The following ALDH7A1 variants were observed in gnomAD, a reference collection of about 807,000 sequenced individuals.
ALDH7A1 encodes the protein alpha-aminoadipic semialdehyde dehydrogenase.
Under a neutral mutation model 79.9 loss-of-function variants are expected in ALDH7A1, and 63 were observed. That is an observed-to-expected ratio of 0.79 (90% CI 0.64 to 0.97). The LOEUF (loss-of-function observed/expected upper bound fraction) is 0.97, where lower values mean the gene tolerates loss of function less well. Ranked by LOEUF, ALDH7A1 falls within the 50% of genes least tolerant of loss-of-function variation. The pLI is 0.00. For synonymous variants in ALDH7A1, 240 were observed against 231.2 expected, an observed-to-expected ratio of 1.04 and a Z score of -0.34; for missense variants, 627 against 665.2, an observed-to-expected ratio of 0.94 and a Z score of 0.63.
intron 16 of ALDH7A1, among the ~76,000 whole-genome samples, chr5:126,548,802 G>A (rs1271896271): frequency 1.3e-5 from 2 of 148,814 alleles, no homozygotes; most frequent in Non-Finnish European, 3.0e-5. Context: ...GCTCATGCCT[G>A]TAATCCCAAC....
At chr5:126,561,691 T>C (rs1750410637) in intron 9 of ALDH7A1, 1 of 152,232 alleles carries the variant, frequency 6.6e-6, no homozygotes. Context: ...CAAACCACCC[T>C]GAGCGTGCCC....
chr5:126,556,166 C>A, intron 11 of ALDH7A1, 151 bp from the exon 12 acceptor site: 63 of 359,930 alleles, frequency 1.8e-4, no homozygotes, highest in Non-Finnish European at 2.4e-4. Flanking sequence ...TATAATTTAT[C>A]ATTTTAATAT....
intron 13 of ALDH7A1, 25 bp downstream of exon 13, chr5:126,554,262 C>T (rs747967567): frequency 6.2e-7 from 1 of 1,602,864 alleles, no homozygotes; most frequent in Non-Finnish European, 8.5e-7. Flanking sequence ...AAAGCTGTCA[C>T]AATTGATCTC....
chr5:126,567,451 T>G (rs560607347), intron 9 of ALDH7A1, among the ~76,000 whole-genome samples: 1 of 152,334 alleles, frequency 6.6e-6, no homozygotes, highest in South Asian at 2.1e-4. Context: ...TATACCCATT[T>G]AGAGAGAAAA....
chr5:126,574,197 G>C (rs1351239105), intron 7 of ALDH7A1, among the ~76,000 whole-genome samples: 1 of 150,262 alleles, frequency 6.7e-6, no homozygotes, highest in African/African-American at 2.5e-5. Context: ...TCAAGACATC[G>C]AGACCATCCT....
rs386404930 is a variant in ALDH7A1, at chr5:126,571,150, ATTTTTTTT to A, written c.696-299_696-292del. 2.8e-3 allele frequency: 613 copies of A among 221,786 alleles called. 1 individual carries two copies. The highest frequency in any genetic ancestry group is 8.0e-3 in the African/African-American group (297 of 37,138). 13.7% of individuals were successfully genotyped at this position (221,786 alleles called of 1,614,324 possible). A position where few individuals can be genotyped will look rare whatever the true frequency, so the allele number is the denominator to read the frequency against. ...GCCGTTTTCAAAAAACTATTAGCAG[ATTTTTTTT>A]TTTTTTTTTTTTTTTTTTAGCCCTA... is the stretch of plus-strand genomic sequence containing the variant. On this transcript the variant is annotated intron_variant, in intron 7 of 17. Transcript: ENST00000409134.
At chr5:126,571,602 A>G (rs1750779025) in intron 7 of ALDH7A1, among the ~76,000 whole-genome samples, 1 of 152,028 alleles carries the variant, frequency 6.6e-6, no homozygotes, top group African/African-American at 2.4e-5. Context: ...ATGAGGACAC[A>G]TCTGGTTCAA....
chr5:126,585,719 G>A (rs1751337950), intron 3 of ALDH7A1, among the ~76,000 whole-genome samples: 2 of 151,904 alleles, frequency 1.3e-5, no homozygotes, highest in South Asian at 4.2e-4. Flanking sequence ...CTGCCACCAC[G>A]CCCGGCTAAT....
intron 5 of ALDH7A1, among the ~76,000 whole-genome samples, chr5:126,578,904 T>C (rs1388329700): frequency 6.6e-6 from 1 of 152,174 alleles, no homozygotes; most frequent in South Asian, 2.1e-4. Flanking sequence ...TGAGGGACCA[T>C]ACCAGACACA....
intron 16 of ALDH7A1, among the ~76,000 whole-genome samples, chr5:126,548,739 A>C (rs1749883823): frequency 6.6e-6 from 1 of 151,796 alleles, no homozygotes; most frequent in Non-Finnish European, 1.5e-5. Flanking sequence ...CAAAACTTTA[A>C]AAATTAATTA....
chr5:126,553,875 G>A (rs758766263), intron 13 of ALDH7A1, among the ~76,000 whole-genome samples: 4 of 151,902 alleles, frequency 2.6e-5, no homozygotes, highest in Non-Finnish European at 5.9e-5. Context: ...TAGGAGGCCA[G>A]GGTGGGTGGA....
intron 7 of ALDH7A1, among the ~76,000 whole-genome samples, chr5:126,572,363 C>T (rs960211130): frequency 1.3e-5 from 2 of 152,142 alleles, no homozygotes; most frequent in African/African-American, 2.4e-5. Flanking sequence ...CCAGGGACTC[C>T]GGGTGTCTAT....
At chr5:126,555,830 C>G in intron 12 of ALDH7A1, 101 bp downstream of exon 12, 1 of 973,206 alleles carries the variant, frequency 1.0e-6, no homozygotes, top group South Asian at 1.3e-5. Context: ...GCCTTCACGC[C>G]TCTCAGGAAA....
intron 17 of ALDH7A1, among the ~76,000 whole-genome samples, chr5:126,545,294 AG>A (rs1749749438): frequency 6.6e-6 from 1 of 151,988 alleles, no homozygotes; most frequent in Admixed American, 6.5e-5. Context: ...TTTTGTTTTG[AG>A]ACAGGGTCTC....
At chr5:126,570,667 C>A in intron 8 of ALDH7A1, 115 bp downstream of exon 8, 1 of 1,042,096 alleles carries the variant, frequency 9.6e-7, no homozygotes, top group Non-Finnish European at 1.5e-6. Context: ...ATAATGATTT[C>A]AAAAACCATT....
rs567441242 is a variant in ALDH7A1 at position 126,584,022 on chromosome 5, G to A, written c.313-10C>T. 4 of 1,612,320 alleles carry A rather than the reference G, an allele frequency of 2.5e-6. No homozygotes were observed. The East Asian group carries it at 8.9e-5, about 36-fold the overall frequency. The stretch of plus-strand genomic sequence containing the variant: ...GTTTTGGAGCAGGAATCTAAGAAAA[G>A]AATGCAATTTTTGTGTCTGATTCAA... On this transcript the variant is annotated splice_polypyrimidine_tract_variant and intron_variant, in intron 3 of 17. Transcript: ENST00000409134.
At chr5:126,557,768 C>A (rs1183465131) in intron 11 of ALDH7A1, among the ~76,000 whole-genome samples, 1 of 151,896 alleles carries the variant, frequency 6.6e-6, no homozygotes, top group Non-Finnish European at 1.5e-5. Flanking sequence ...AGGCTTTTTT[C>A]ATTACAAAAG....
chr5:126,545,093 T>C, intron 17 of ALDH7A1, 74 bp from the exon 18 acceptor site: 1 of 1,126,056 alleles, frequency 8.9e-7, no homozygotes, highest in Non-Finnish European at 1.4e-6. Context: ...TTTTAAAATG[T>C]AGCAGATCTG....
intron 1 of ALDH7A1, 130 bp downstream of exon 1, chr5:126,594,877 A>T: frequency 7.8e-7 from 1 of 1,278,430 alleles, no homozygotes; most frequent in Non-Finnish European, 1.1e-6. Context: ...GAAAACTTTT[A>T]CTGTGGAGCT....
Sources: allele counts gnomAD v4.1 joint callset (sites outside exome capture counted in the v4.1 genomes callset), GRCh38; gene constraint gnomAD v4.1.1; transcripts MANE v1.5; gene names NCBI Gene and HGNC (gene_info 2026-07-23, HGNC 2026-07-21).